Variants in RNF182 observed in about 807,000 individuals in gnomAD.
RNF182 encodes the protein ring finger protein 182, also known as E3 ubiquitin-protein ligase RNF182.
A neutral mutation model predicts 14.4 loss-of-function variants in RNF182; 15 were observed. The observed-to-expected ratio is 1.04, with a 90% CI of 0.70 to 1.60. The LOEUF (loss-of-function observed/expected upper bound fraction) is 1.60, where lower values mean the gene tolerates loss of function less well. Among genes scored for constraint, RNF182 ranks in the 40% most tolerant of loss-of-function variants. The pLI is 0.00. For missense variants in RNF182, 268 were observed against 294.8 expected, an observed-to-expected ratio of 0.91 and a Z score of 0.67; for synonymous variants, 128 against 122.9, an observed-to-expected ratio of 1.04 and a Z score of -0.27.
intron 1 of RNF182, among the ~76,000 whole-genome samples, chr6:13,946,114 G>C (rs1332689829): frequency 6.7e-6 from 1 of 149,966 alleles, no homozygotes; most frequent in Non-Finnish European, 1.5e-5. Context: ...ACTTTGGAAA[G>C]AATCTGTATT....
At chr6:13,927,205 T>C (rs1474156476) in intron 1 of RNF182, among the ~76,000 whole-genome samples, 1 of 152,174 alleles carries the variant, frequency 6.6e-6, no homozygotes, top group East Asian at 1.9e-4. Flanking sequence ...TGGAAAACAA[T>C]AATCTGGCAT....
chr6:13,954,579 A>AAT (rs1759682271), intron 1 of RNF182, among the ~76,000 whole-genome samples: 1 of 151,666 alleles, frequency 6.6e-6, no homozygotes, highest in Non-Finnish European at 1.5e-5. Flanking sequence ...TTTTTTTTTT[A>AAT]GCTCTTTGGG....
intron 1 of RNF182, among the ~76,000 whole-genome samples, chr6:13,948,042 A>G (rs1031355480): frequency 6.6e-6 from 1 of 152,246 alleles, no homozygotes; most frequent in Non-Finnish European, 1.5e-5. Context: ...ATAGCTCAAA[A>G]TAAAAGTTTT....
chr6:13,970,081 G>T (rs1760136903), intron 1 of RNF182, among the ~76,000 whole-genome samples: 1 of 152,076 alleles, frequency 6.6e-6, no homozygotes, highest in South Asian at 2.1e-4. Context: ...AACATACAAA[G>T]AATGTATGAT....
intron 1 of RNF182, among the ~76,000 whole-genome samples, chr6:13,931,985 C>A (rs1315998566): frequency 6.6e-6 from 1 of 152,138 alleles, no homozygotes; most frequent in Admixed American, 6.5e-5. Flanking sequence ...TGATAAGGCA[C>A]CATCTGTGAA....
intron 1 of RNF182, among the ~76,000 whole-genome samples, chr6:13,925,644 C>G (rs1758805370): frequency 6.6e-6 from 1 of 152,198 alleles, no homozygotes; most frequent in Admixed American, 6.5e-5. Context: ...GAATGTAGAG[C>G]AGTACCGATA....
At chr6:13,929,853 A>G (rs1192161347) in intron 1 of RNF182, among the ~76,000 whole-genome samples, 2 of 152,278 alleles carry the variant, frequency 1.3e-5, no homozygotes, top group East Asian at 3.9e-4. Flanking sequence ...TTCCTCCCCC[A>G]TCTTATTTTC....
intron 1 of RNF182, among the ~76,000 whole-genome samples, chr6:13,926,415 A>G (rs1474912304): frequency 6.6e-6 from 1 of 152,230 alleles, no homozygotes; most frequent in Non-Finnish European, 1.5e-5. Context: ...TAGGTTTCTC[A>G]GTCTGTTCAT....
In RNF182 at chr6:13,977,159, G is replaced by A. The variant is rs1760349022; in HGVS notation, c.40G>A (p.Ala14Thr). 1 of 1,613,994 alleles carries A rather than the reference G, an allele frequency of 6.2e-7. No homozygotes were observed. Among genetic ancestry groups the A allele is most frequent in the Non-Finnish European group, 8.5e-7 (1 of 1,180,012 alleles). Residue 14 changes from alanine (A) to threonine (T), a missense_variant, in exon 3 of 3, where the codon GCC becomes ACC. Ala to Thr is a moderately conservative substitution (Grantham distance 58). Transcript: ENST00000488300. ...QPPEDTAESQ[A>T]SDELECKICY... Reference sequence around the variant, plus strand: ...TCCTGAAGACACTGCGGAGTCTCAGGCCTCTGATGAGCTGGAGTGCAAAAT... The same window carrying A: ...TCCTGAAGACACTGCGGAGTCTCAGACCTCTGATGAGCTGGAGTGCAAAAT...
chr6:13,964,402 C>A (rs777937341), intron 1 of RNF182, among the ~76,000 whole-genome samples: 3 of 152,046 alleles, frequency 2.0e-5, no homozygotes, highest in Non-Finnish European at 4.4e-5. Flanking sequence ...ATGTTCTGCC[C>A]AAATTAAACT....
chr6:13,976,383 C>T (rs1432668750), intron 2 of RNF182, among the ~76,000 whole-genome samples: 1 of 152,154 alleles, frequency 6.6e-6, no homozygotes, highest in Non-Finnish European at 1.5e-5. Context: ...AAGGTAAGAA[C>T]AGTCTGCTCT....
chr6:13,971,029 C>T (rs916375187), intron 1 of RNF182, among the ~76,000 whole-genome samples: 7 of 152,140 alleles, frequency 4.6e-5, no homozygotes, highest in South Asian at 4.2e-4. Flanking sequence ...AGTACCACCC[C>T]GGTCAAGAAG....
upstream of RNF182, chr6:13,924,846 G>C (rs1013776844): frequency 6.6e-6 from 1 of 150,870 alleles, no homozygotes; most frequent in Non-Finnish European, 1.5e-5. Flanking sequence ...GGGCCGGGGG[G>C]GCCCCGGCGG....
At chr6:13,968,025 C>A (rs1760078414) in intron 1 of RNF182, among the ~76,000 whole-genome samples, 1 of 151,696 alleles carries the variant, frequency 6.6e-6, no homozygotes, top group African/African-American at 2.4e-5. Flanking sequence ...AGCATAAAGA[C>A]AAAGTGTACT....
intron 1 of RNF182, 65 bp downstream of exon 1, chr6:13,925,088 GCAGCAGCCAGCCCCGCAGTCC>G: frequency 5.3e-5 from 8 of 149,694 alleles, no homozygotes; most frequent in Middle Eastern, 3.4e-3. Context: ...CAACGCTGGG[GCAGCAGCCAGCCCCGCAGTCC>G]TGGACGGCGC....
At chr6:13,976,494 G>A (rs900337317) in intron 2 of RNF182, among the ~76,000 whole-genome samples, 13 of 152,126 alleles carry the variant, frequency 8.5e-5, no homozygotes, top group African/African-American at 2.9e-4. Flanking sequence ...CACTATTGAC[G>A]GTATTTAGAC....
At chr6:13,949,641 A>G in intron 1 of RNF182, 1 of 339,572 alleles carries the variant, frequency 2.9e-6, no homozygotes, top group Non-Finnish European at 5.6e-6. Flanking sequence ...AGAAGTTATC[A>G]TGATCGAACA....
chr6:13,953,316 C>T (rs1347324056), intron 1 of RNF182, among the ~76,000 whole-genome samples: 1 of 152,182 alleles, frequency 6.6e-6, no homozygotes, highest in Non-Finnish European at 1.5e-5. Context: ...TTCAGTGACA[C>T]AGTGGACAGG....
chr6:13,925,321 T>C (rs1758796881), intron 1 of RNF182: 1 of 151,950 alleles, frequency 6.6e-6, no homozygotes, highest in South Asian at 2.1e-4. Context: ...TTGTTGTTGT[T>C]ATTTTCCTTC....
Sources: gnomAD v4.1 joint callset for allele counts (sites outside exome capture counted in the v4.1 genomes callset) on GRCh38, gnomAD v4.1.1 for gene constraint, MANE v1.5 for transcripts, NCBI Gene and HGNC (gene_info 2026-07-23, HGNC 2026-07-21) for gene names.